The following PIK3AP1 variants were observed in gnomAD, a reference collection of about 807,000 sequenced individuals.
PIK3AP1 encodes phosphoinositide 3-kinase adapter protein 1.
Under a neutral mutation model 88.1 loss-of-function variants are expected in PIK3AP1, and 21 were observed. That is an observed-to-expected ratio of 0.24 (90% confidence interval 0.17 to 0.34). The LOEUF (loss-of-function observed/expected upper bound fraction) is 0.34, where lower values mean the gene tolerates loss of function less well. Ranked by LOEUF, PIK3AP1 falls within the 10% of genes least tolerant of loss-of-function variation. The pLI, the probability that PIK3AP1 is intolerant of heterozygous loss-of-function variation, is 1.00. For synonymous variants in PIK3AP1, 398 were observed against 400.0 expected, an observed-to-expected ratio of 1.00 and a Z score of 0.06; for missense variants, 828 against 1,035.7, an observed-to-expected ratio of 0.80 and a Z score of 2.75.
intron 2 of PIK3AP1, among the ~76,000 whole-genome samples, chr10:96,699,497 GC>G (rs1844265714): frequency 6.6e-6 from 1 of 152,036 alleles, no homozygotes; most frequent in Admixed American, 6.6e-5. Flanking sequence ...TACTGCAGCT[GC>G]TAAAAAATTT....
chr10:96,604,627 C>T (rs1327939698), intron 14 of PIK3AP1, among the ~76,000 whole-genome samples: 1 of 152,128 alleles, frequency 6.6e-6, no homozygotes, highest in Non-Finnish European at 1.5e-5. Context: ...CATTTAACCC[C>T]TATGAAAATC....
intron 1 of PIK3AP1, among the ~76,000 whole-genome samples, chr10:96,717,257 CAAA>C (rs1325729375): frequency 1.1e-5 from 1 of 93,416 alleles, no homozygotes. Context: ...GACTCCGTCT[CAAA>C]AAAAAAAAAA....
At chr10:96,709,081 G>A (rs1468002520) in intron 2 of PIK3AP1, among the ~76,000 whole-genome samples, 1 of 141,248 alleles carries the variant, frequency 7.1e-6, no homozygotes, top group East Asian at 2.1e-4. Flanking sequence ...GCAGTCCACT[G>A]AGATCGCACC....
At chr10:96,679,217 T>C (rs998117801) in intron 2 of PIK3AP1, among the ~76,000 whole-genome samples, 2 of 152,180 alleles carry the variant, frequency 1.3e-5, no homozygotes, top group African/African-American at 4.8e-5. Flanking sequence ...TCTACTCCAC[T>C]GATGTGCATT....
chr10:96,705,884 G>GTTTT (rs964917515), intron 2 of PIK3AP1, among the ~76,000 whole-genome samples: 21 of 60,970 alleles, frequency 3.4e-4, no homozygotes, highest in South Asian at 2.3e-3. Flanking sequence ...CCAGCCAGTT[G>GTTTT]TTTTTTTTTT....
chr10:96,709,860 C>A lies in PIK3AP1; in HGVS notation c.137G>T (p.Arg46Met), dbSNP rs956181298. 1.3e-5 allele frequency: 21 copies of A among 1,613,986 alleles called. No homozygotes were observed. Among genetic ancestry groups the A allele is most frequent in the Non-Finnish European group, 1.8e-5 (21 of 1,180,022 alleles). ...QVRSQKILTH[R>M]LGPEASFSAE... ...CGAGAAGGAGGCCTCGGGGCCCAGC[C>A]TGTGAGTCAGTATCTTCTGGCTGCG... The change falls in exon 2 of 17, where the codon AGG (arginine) becomes ATG (methionine). Residue 46 changes from arginine (R) to methionine (M), a missense_variant. Arg to Met is a moderately conservative substitution (Grantham distance 91). Coordinates refer to ENST00000339364, the MANE Select transcript of PIK3AP1 (RefSeq NM_152309.3).
At chr10:96,712,994 AG>A (rs1201312842) in intron 1 of PIK3AP1, among the ~76,000 whole-genome samples, 5 of 152,238 alleles carry the variant, frequency 3.3e-5, no homozygotes, top group African/African-American at 1.2e-4. Flanking sequence ...TGTTTTCAAT[AG>A]GGTTGGCAAG....
At chr10:96,646,383 A>G (rs1468507232) in intron 7 of PIK3AP1, among the ~76,000 whole-genome samples, 2 of 152,088 alleles carry the variant, frequency 1.3e-5, no homozygotes, top group Non-Finnish European at 2.9e-5. Context: ...AATATTCTCT[A>G]GTTTACAGAT....
intron 1 of PIK3AP1, among the ~76,000 whole-genome samples, chr10:96,717,767 C>G (rs1044760467): frequency 6.6e-6 from 1 of 152,158 alleles, no homozygotes; most frequent in African/African-American, 2.4e-5. Flanking sequence ...TCTTTCCTCT[C>G]TCTCACGTGT....
intron 15 of PIK3AP1, 158 bp downstream of exon 15, chr10:96,603,821 C>CA: frequency 1.4e-6 from 1 of 702,502 alleles, no homozygotes; most frequent in East Asian, 3.1e-5. Context: ...CACCAATCTT[C>CA]AAACTGTCTC....
At position 96,602,297 on chromosome 10, in the gene PIK3AP1, C is replaced by T. The variant is rs539458415; in HGVS notation, c.2343G>A (p.Pro781=). 5.2e-5 allele frequency: 84 copies of T among 1,605,850 alleles called. No homozygotes were observed. In the South Asian group the frequency reaches 7.6e-4, roughly 14 times the overall value. The change falls in exon 16 of 17, where the codon CCG becomes CCA. Residue 781 remains proline, a synonymous_variant. Coordinates refer to ENST00000339364, the MANE Select transcript of PIK3AP1 (RefSeq NM_152309.3). ...GATGTTACCTCTGTGAGGCAGCTCT[C>T]GGAGGCACCCTGGGGGGTCTCTCGA... The part of the protein sequence containing the change: ...MSLERPPRVP[P]RAASQRPPTR...
intron 1 of PIK3AP1, 59 bp from the exon 2 acceptor site, chr10:96,710,042 C>T: frequency 6.7e-7 from 1 of 1,497,226 alleles, no homozygotes; most frequent in Non-Finnish European, 9.0e-7. Context: ...GGTGGCTCCC[C>T]ACAGCCTGCA....
intron 14 of PIK3AP1, among the ~76,000 whole-genome samples, chr10:96,606,650 G>A (rs886851415): frequency 1.3e-5 from 2 of 152,218 alleles, no homozygotes; most frequent in South Asian, 2.1e-4. Flanking sequence ...GGGGGAAGGG[G>A]GGCAGTGCCC....
intron 14 of PIK3AP1, among the ~76,000 whole-genome samples, chr10:96,606,041 C>A (rs879265927): frequency 7.2e-5 from 11 of 152,230 alleles, no homozygotes; most frequent in Non-Finnish European, 1.3e-4. Flanking sequence ...CGATATCATG[C>A]CACTGCACTT....
At chr10:96,632,230 T>C (rs1843253897) in intron 8 of PIK3AP1, among the ~76,000 whole-genome samples, 2 of 152,134 alleles carry the variant, frequency 1.3e-5, no homozygotes, top group Admixed American at 1.3e-4. Flanking sequence ...GTGGCACAAC[T>C]AGAGAAATTT....
intron 2 of PIK3AP1, among the ~76,000 whole-genome samples, chr10:96,687,266 AAAAAAAAAAAAAAAAAAAAG>A (rs1271767006): frequency 2.1e-5 from 3 of 140,552 alleles, no homozygotes; most frequent in Admixed American, 6.9e-5. Context: ...AAAAAAAAAA[AAAAAAAAAAAAAAAAAAAAG>A]AAAAAAGATC....
chr10:96,652,404 T>C (rs1195362181), intron 4 of PIK3AP1, among the ~76,000 whole-genome samples: 2 of 152,126 alleles, frequency 1.3e-5, no homozygotes, highest in Non-Finnish European at 2.9e-5. Flanking sequence ...AAACTCCGTC[T>C]CTACTAAAAA....
At chr10:96,602,499 G>A in intron 15 of PIK3AP1, 101 bp from the exon 16 acceptor site, 1 of 991,874 alleles carries the variant, frequency 1.0e-6, no homozygotes, top group Non-Finnish European at 1.5e-6. Context: ...CCTTAGGCTG[G>A]GGCTGAAGGT....
chr10:96,702,775 C>A (rs1844315452), intron 2 of PIK3AP1, among the ~76,000 whole-genome samples: 1 of 151,990 alleles, frequency 6.6e-6, no homozygotes, highest in Non-Finnish European at 1.5e-5. Flanking sequence ...GTCAAGTATA[C>A]CTCAATAAAA....
Sources: allele counts gnomAD v4.1 joint callset (sites outside exome capture counted in the v4.1 genomes callset), GRCh38; gene constraint gnomAD v4.1.1; transcripts MANE v1.5; gene names NCBI Gene and HGNC (gene_info 2026-07-23, HGNC 2026-07-21).